The following DOCK8 variants were observed in gnomAD, a reference collection of about 807,000 sequenced individuals.
DOCK8 encodes dedicator of cytokinesis protein 8.
In DOCK8, 141 loss-of-function variants were observed where a neutral mutation model predicts 245.6. The ratio of observed to expected loss-of-function variants is 0.57; its 90% CI spans 0.50 to 0.66. The LOEUF is 0.66. Among genes scored for constraint, DOCK8 ranks in the 30% least tolerant of loss-of-function variants. The pLI is 0.00. For synonymous variants in DOCK8, 1,168 were observed against 970.2 expected (o/e 1.20, Z -3.79); for missense variants, 2,965 against 2,603.4 (o/e 1.14, Z -3.02).
chr9:285,973 C>T (rs895539137), intron 2 of DOCK8, among the ~76,000 whole-genome samples: 3 of 152,080 alleles, frequency 2.0e-5, no homozygotes, highest in African/African-American at 7.2e-5. Flanking sequence ...GAAGTGCTTT[C>T]GAGAACCAAT....
chr9:372,779 G>A (rs1324608294), intron 18 of DOCK8, among the ~76,000 whole-genome samples: 3 of 151,304 alleles, frequency 2.0e-5, no homozygotes, highest in Admixed American at 6.6e-5. Context: ...CTGCTGCAGT[G>A]CACCCATTTA....
At chr9:333,541 C>T (rs1166842539) in intron 10 of DOCK8, among the ~76,000 whole-genome samples, 1 of 151,084 alleles carries the variant, frequency 6.6e-6, no homozygotes, top group Non-Finnish European at 1.5e-5. Context: ...GCGGAGGTTG[C>T]AGTGAGCCGA....
intron 1 of DOCK8, among the ~76,000 whole-genome samples, chr9:235,684 G>A (rs1287849027): frequency 6.6e-6 from 1 of 152,196 alleles, no homozygotes; most frequent in Non-Finnish European, 1.5e-5. Context: ...AGAGTCCATG[G>A]GCATAGGACC....
At chr9:371,667 G>C (rs2053291307) in intron 17 of DOCK8, 101 bp downstream of exon 17, 1 of 1,514,972 alleles carries the variant, frequency 6.6e-7, no homozygotes, top group Non-Finnish European at 9.0e-7. Context: ...ATTTTTTCCA[G>C]TCAGAAGTAG....
At chr9:291,866 A>G (rs776070031) in intron 4 of DOCK8, among the ~76,000 whole-genome samples, 1 of 151,542 alleles carries the variant, frequency 6.6e-6, no homozygotes, top group Non-Finnish European at 1.5e-5. Context: ...CAGGAGTTCA[A>G]GACCAGCCTA....
intron 28 of DOCK8, among the ~76,000 whole-genome samples, chr9:414,245 G>A (rs1387078197): frequency 4.6e-5 from 7 of 152,162 alleles, no homozygotes; most frequent in Non-Finnish European, 8.8e-5. Flanking sequence ...TCATAGCAGC[G>A]TTGGTAAGTC....
chr9:273,759 C>T (rs1458566888), intron 2 of DOCK8, among the ~76,000 whole-genome samples: 2 of 151,090 alleles, frequency 1.3e-5, no homozygotes, highest in Non-Finnish European at 2.9e-5. Flanking sequence ...ACCATCTCGG[C>T]TCATCGCAAC....
chr9:362,260 A>G (rs1219589605), intron 14 of DOCK8, among the ~76,000 whole-genome samples: 2 of 152,164 alleles, frequency 1.3e-5, no homozygotes, highest in African/African-American at 4.8e-5. Context: ...GTGAAGGTTT[A>G]TTTGCACCTC....
chr9:313,341 G>A (rs531429286), intron 6 of DOCK8, among the ~76,000 whole-genome samples: 1 of 152,166 alleles, frequency 6.6e-6, no homozygotes, highest in Admixed American at 6.5e-5. Context: ...TTTACTTAGA[G>A]CAAACTTCTG....
intron 14 of DOCK8, among the ~76,000 whole-genome samples, chr9:351,048 G>C (rs995071852): frequency 6.6e-6 from 1 of 152,208 alleles, no homozygotes; most frequent in Admixed American, 6.5e-5. Flanking sequence ...CTGGGATTTT[G>C]TTGTAGGAGC....
In DOCK8 at chr9:292,387, CAAAAAAAA is replaced by C. The variant is rs5895837; in HGVS notation, c.404+2825_404+2832del. Among the ~76,000 whole-genome samples, 6 of 63,076 alleles carry C rather than the reference CAAAAAAAA, an allele frequency of 9.5e-5. No individual in the cohort carries two copies. In the Admixed American group the frequency reaches 1.4e-3, roughly 15 times the overall value. The allele number at this position is 63,076 out of a possible 152,430, so 41.4% of individuals were successfully genotyped here. ...GGGCAACAAGAGTGAAACTCCGTCT[CAAAAAAAA>C]AAAAAAAAAAAAAAAAAAGATTATT... On this transcript the variant is annotated intron_variant, in intron 4 of 47. Transcript: ENST00000432829.
At position 429,816 on chromosome 9, in the gene DOCK8, C is replaced by T. The variant is rs536373496; in HGVS notation, c.4588C>T (p.Leu1530Phe). The stretch of plus-strand genomic sequence containing the variant: ...CACCCGGAGCCAAGCCTGTGCCACC[C>T]TTTACCTCCTCATGAGGTTCAGTTT... ...DVTRSQACAT[L>F]YLLMRFSFGA... Residue 1530 changes from leucine (L) to phenylalanine (F), a missense_variant, in exon 36 of 48, where the codon CTT (leucine) becomes TTT (phenylalanine). Transcript: ENST00000432829. 11 of 1,614,172 alleles carry T rather than the reference C, an allele frequency of 6.8e-6. No homozygotes were observed. The highest frequency in any genetic ancestry group is 8.5e-6 in the Non-Finnish European group (10 of 1,180,034).
chr9:456,688 C>T (rs2131927008), intron 46 of DOCK8: 1 of 152,340 alleles, frequency 6.6e-6, no homozygotes, highest in East Asian at 1.9e-4. Context: ...GGACCTCAAT[C>T]AGCTTCTGTC....
chr9:274,621 C>G (rs1327028895), intron 2 of DOCK8, among the ~76,000 whole-genome samples: 1 of 151,644 alleles, frequency 6.6e-6, no homozygotes, highest in Non-Finnish European at 1.5e-5. Context: ...GAAGGTTCCC[C>G]AAAAGAAATC....
intron 46 of DOCK8, among the ~76,000 whole-genome samples, chr9:454,073 A>C (rs919326831): frequency 2.6e-5 from 4 of 152,224 alleles, no homozygotes; most frequent in Non-Finnish European, 5.9e-5. Flanking sequence ...CAGGACTATA[A>C]AGATCAGAAA....
intron 4 of DOCK8, among the ~76,000 whole-genome samples, chr9:294,056 A>C (rs1563886083): frequency 6.6e-6 from 1 of 152,194 alleles, no homozygotes; most frequent in East Asian, 1.9e-4. Flanking sequence ...TTTTCACATA[A>C]AGATATATGT....
Position 410,055 on chromosome 9 carries a change from G to A in DOCK8, c.3530+2986G>A, listed in dbSNP as rs377662257. On this transcript the variant is annotated intron_variant, in intron 28 of 47. Transcript: ENST00000432829. ...ACATATGCACACATATGTTTATTGC[G>A]GCAAGATGTATATTTTTAAAATTGA... is the stretch of plus-strand genomic sequence containing the variant. Among the ~76,000 whole-genome samples the A allele has an allele frequency of 2.7e-3, 407 of 152,012 alleles. 1 individual carries two copies. Among genetic ancestry groups the A allele is most frequent in the Middle Eastern group, 0.01 (3 of 294 alleles).
chr9:434,955 G>T lies in DOCK8; in HGVS notation c.5059G>T (p.Val1687Leu), dbSNP rs767895149. ...SMLEDHSYLP[V>L]GSVSFQNISS... The stretch of plus-strand genomic sequence containing the variant: ...GCTGGAGGACCACAGCTACCTGCCC[G>T]TGGGCAGTGTCAGCTTCCAGGTAGG... The change falls in exon 39 of 48, where the codon GTG (valine) becomes TTG (leucine). Residue 1687 changes from valine to leucine, a missense_variant. Transcript: ENST00000432829. 8.1e-6 allele frequency: 13 copies of T among 1,613,010 alleles called. No individual in the cohort carries two copies. Among genetic ancestry groups the T allele is most frequent in the Non-Finnish European group, 8.5e-6 (10 of 1,180,034 alleles).
chr9:394,936 G>A (rs780832409), intron 24 of DOCK8, among the ~76,000 whole-genome samples: 1 of 152,186 alleles, frequency 6.6e-6, no homozygotes, highest in Non-Finnish European at 1.5e-5. Flanking sequence ...TTGGTTGTAG[G>A]ATGGCCAAAC....
Sources: allele counts gnomAD v4.1 joint callset (sites outside exome capture counted in the v4.1 genomes callset), GRCh38; gene constraint gnomAD v4.1.1; transcripts MANE v1.5; gene names NCBI Gene and HGNC (gene_info 2026-07-23, HGNC 2026-07-21).